Variants in ASB2 observed in about 807,000 individuals in gnomAD.
ASB2 encodes the protein ankyrin repeat and SOCS box containing 2, also known as ankyrin repeat and SOCS box protein 2.
A neutral mutation model predicts 62.4 loss-of-function variants in ASB2; 58 were observed. The observed-to-expected ratio is 0.93, with a 90% CI of 0.75 to 1.16. ASB2 has a LOEUF of 1.16. ASB2 is among the 50% of genes most tolerant of loss of function. The pLI is 0.00. For synonymous variants in ASB2, 386 were observed against 385.3 expected (o/e 1.00, Z -0.02); for missense variants, 928 against 887.9 (o/e 1.05, Z -0.57).
At chr14:93,973,602 C>T (rs981453780) in intron 1 of ASB2, among the ~76,000 whole-genome samples, 4 of 152,346 alleles carry the variant, frequency 2.6e-5, no homozygotes, top group African/African-American at 9.6e-5. Flanking sequence ...TTCTTTGGGC[C>T]CCTGAGCTAT....
intron 6 of ASB2, among the ~76,000 whole-genome samples, chr14:93,950,768 C>A: frequency 6.6e-6 from 1 of 152,072 alleles, no homozygotes; most frequent in East Asian, 1.9e-4. Context: ...GGCCAGACCC[C>A]CCCATATTTG....
At chr14:93,962,107 CTTTTTTTTTT>C (rs35800977) in intron 2 of ASB2, among the ~76,000 whole-genome samples, 7 of 73,018 alleles carry the variant, frequency 9.6e-5, no homozygotes, top group East Asian at 5.1e-4. Context: ...ATTAAACATT[CTTTTTTTTTT>C]TTTTTTTTTT....
chr14:93,935,643 T>C (rs1888247249), intron 9 of ASB2, among the ~76,000 whole-genome samples: 1 of 151,956 alleles, frequency 6.6e-6, no homozygotes, highest in Non-Finnish European at 1.5e-5. Context: ...AAACAGCAAG[T>C]GGCAAGGCAA....
rs1889525886 is a variant in ASB2 at position 93,964,573 on chromosome 14, G to A, written c.-34C>T. On this transcript the variant is annotated 5_prime_UTR_variant, in exon 2 of 10. Coordinates refer to ENST00000555019, the MANE Select transcript of ASB2 (RefSeq NM_001202429.2). ...ACCTCTCACCCTGGCCTCCAGAACAGACACCCAGTGGGGAGGAGGGAACAG... is the reference window on the plus strand; with the variant it reads ...ACCTCTCACCCTGGCCTCCAGAACAAACACCCAGTGGGGAGGAGGGAACAG... 2.0e-6 allele frequency: 3 copies of A among 1,529,410 alleles called. No individual in the cohort carries two copies. The highest frequency in any genetic ancestry group is 2.6e-6 in the Non-Finnish European group (3 of 1,140,992). The allele number at this position is 1,529,410 out of a possible 1,614,324, so 94.7% of individuals were successfully genotyped here.
At chr14:93,943,926 C>A (rs916062523) in intron 7 of ASB2, 6 of 447,268 alleles carry the variant, frequency 1.3e-5, no homozygotes, top group African/African-American at 1.0e-4. Flanking sequence ...TGATAAAATA[C>A]AGCAAAAGTG....
chr14:93,962,184 G>A (rs1162828925), intron 2 of ASB2, among the ~76,000 whole-genome samples: 3 of 95,304 alleles, frequency 3.1e-5, no homozygotes, highest in Admixed American at 3.1e-4. Context: ...GCGGGATCTC[G>A]GCTCACTGCA....
chr14:93,956,846 C>T lies in ASB2; in HGVS notation c.231G>A (p.Ser77=), dbSNP rs532067660. 2.5e-5 allele frequency: 41 copies of T among 1,614,106 alleles called. No homozygotes were observed. In the South Asian group the frequency reaches 3.1e-4, roughly 12 times the overall value. Residue 77 remains serine (S), a synonymous_variant, in exon 3 of 10, where the codon TCG becomes TCA. Coordinates refer to ENST00000555019, the MANE Select transcript of ASB2 (RefSeq NM_001202429.2). ...WTRSTAPPES[S]PARAPMGLFQ... ...ACAAGCCCATTGGGGCCCGGGCCGG[C>T]GAACTCTCAGGAGGTGCAGTGGACC... is the stretch of plus-strand genomic sequence containing the variant.
Position 93,939,465 on chromosome 14 carries a change from G to C in ASB2, c.1260C>G (p.Val420=). ...GCTCGGTGGCGTACACGTTGTTGTT[G>C]ACCACCGCGAAGTACAGCGCGGAGC... ...RRSSALYFAV[V]NNNVYATELL... is the part of the protein sequence containing the mutation. Residue 420 remains valine (V), a synonymous_variant, in exon 8 of 10, where the codon GTC becomes GTG. Coordinates refer to ENST00000555019, the MANE Select transcript of ASB2 (RefSeq NM_001202429.2). 5 of 1,612,404 alleles carry C rather than the reference G, an allele frequency of 3.1e-6. No homozygotes were observed. Among genetic ancestry groups the C allele is most frequent in the Non-Finnish European group, 4.2e-6 (5 of 1,179,736 alleles).
chr14:93,939,215 G>T lies in ASB2; in HGVS notation c.1510C>A (p.Pro504Thr), dbSNP rs1480137775. Residue 504 changes from proline (P) to threonine (T), a missense_variant, in exon 8 of 10, where the codon CCC (proline) becomes ACC (threonine). Coordinates refer to ENST00000555019, the MANE Select transcript of ASB2 (RefSeq NM_001202429.2). ...TTGCCGTAGAGGCATGAGAAGCAGGGCTCGCCGTCGCAGCCCAGGTCCATG... is the reference window on the plus strand; with the variant it reads ...TTGCCGTAGAGGCATGAGAAGCAGGTCTCGCCGTCGCAGCCCAGGTCCATG... Reference protein sequence around the residue: ...FLMDLGCDGEPCFSCLYGNGP... With the variant: ...FLMDLGCDGETCFSCLYGNGP... 4 of 1,607,426 alleles carry T rather than the reference G, an allele frequency of 2.5e-6. No homozygotes were observed. In the South Asian group the frequency reaches 3.3e-5, roughly 13 times the overall value.
rs1037692396 is a variant in ASB2, at chr14:93,937,758, A to G, written c.1711T>C (p.Ser571Pro). ...CTGTCGATGTGTTCCTTCAGCCGCG[A>G]GCAGAGCTGCACGTTGCCCACGTAG... ...LDYVGNVQLC[S>P]RLKEHIDSFE... is the part of the protein sequence containing the mutation. The change falls in exon 9 of 10, where the codon TCG becomes CCG. Residue 571 changes from serine to proline, a missense_variant. Transcript: ENST00000555019. The G allele has an allele frequency of 6.2e-7, 1 of 1,613,298 alleles. No homozygotes were observed. The highest frequency in any genetic ancestry group is 2.2e-5 in the East Asian group (1 of 44,860).
At chr14:93,957,043 G>T in intron 2 of ASB2, 173 bp from the exon 3 acceptor site, 2 of 1,493,446 alleles carry the variant, frequency 1.3e-6, no homozygotes, top group Non-Finnish European at 1.8e-6. Flanking sequence ...GGACACAGCT[G>T]CTGTGTCTCC....
At position 93,951,168 on chromosome 14, in the gene ASB2, G is replaced by A. The variant is rs778179462; in HGVS notation, c.711C>T (p.Arg237=). 20 of 1,613,934 alleles carry A rather than the reference G, an allele frequency of 1.2e-5. No individual in the cohort carries two copies. The Middle Eastern group carries it at 1.3e-3, about 106-fold the overall frequency. The part of the protein sequence containing the change: ...HNADTNHRCN[R]GWTALHESVS... ...CAGACTCGTGCAGAGCGGTCCAGCC[G>A]CGGTTGCAGCGGTGGTTGGTGTCTG... Residue 237 remains arginine, a synonymous_variant, in exon 6 of 10, where the codon CGC becomes CGT. Transcript: ENST00000555019.
chr14:93,968,011 G>A (rs1011145514), intron 1 of ASB2, among the ~76,000 whole-genome samples: 2 of 152,212 alleles, frequency 1.3e-5, no homozygotes, highest in African/African-American at 2.4e-5. Flanking sequence ...GCTTGTAAGG[G>A]GTAACATGAT....
At chr14:93,958,984 T>C (rs965585953) in intron 2 of ASB2, among the ~76,000 whole-genome samples, 2 of 152,220 alleles carry the variant, frequency 1.3e-5, no homozygotes, top group Non-Finnish European at 2.9e-5. Context: ...TTGAGGTTGA[T>C]GGAGGTGGAG....
intron 7 of ASB2, among the ~76,000 whole-genome samples, chr14:93,942,692 G>A (rs552066465): frequency 6.6e-6 from 1 of 152,356 alleles, no homozygotes; most frequent in Admixed American, 6.5e-5. Context: ...TAGCTAGAGA[G>A]GGGCCCAGCA....
chr14:93,940,667 G>A (rs755819778), intron 7 of ASB2, among the ~76,000 whole-genome samples: 127 of 152,170 alleles, frequency 8.3e-4, no homozygotes, highest in Non-Finnish European at 1.7e-3. Context: ...TCTGGGTGTG[G>A]AGAACTTGGT....
rs906755405 is a variant in ASB2 at position 93,956,850 on chromosome 14, C to T, written c.227G>A (p.Ser76Asn). 1.4e-5 allele frequency: 22 copies of T among 1,614,088 alleles called. No homozygotes were observed. The highest frequency in any genetic ancestry group is 1.8e-5 in the Non-Finnish European group (21 of 1,180,044). The change falls in exon 3 of 10, where the codon AGT becomes AAT. Residue 76 changes from serine (S) to asparagine (N), a missense_variant. Transcript: ENST00000555019. ...PWTRSTAPPE[S>N]SPARAPMGLF... ...GCCCATTGGGGCCCGGGCCGGCGAA[C>T]TCTCAGGAGGTGCAGTGGACCTGGA...
At chr14:93,940,588 C>A (rs1265820734) in intron 7 of ASB2, 1 of 152,288 alleles carries the variant, frequency 6.6e-6, no homozygotes, top group African/African-American at 2.4e-5. Context: ...TTACACTCCT[C>A]TCCTGTCAGT....
At chr14:93,936,432 T>G (rs1253290216) in intron 9 of ASB2, among the ~76,000 whole-genome samples, 4 of 152,232 alleles carry the variant, frequency 2.6e-5, no homozygotes, top group Non-Finnish European at 5.9e-5. Flanking sequence ...GACTGATACC[T>G]AGGCATAGAC....
Sources: gnomAD v4.1 joint callset for allele counts (sites outside exome capture counted in the v4.1 genomes callset) on GRCh38, gnomAD v4.1.1 for gene constraint, MANE v1.5 for transcripts, NCBI Gene and HGNC (gene_info 2026-07-23, HGNC 2026-07-21) for gene names.